The following COLQ variants were observed in gnomAD, a reference collection of about 807,000 sequenced individuals.
COLQ encodes the protein acetylcholinesterase collagenic tail peptide.
COLQ carries 48 observed loss-of-function variants against 69.0 expected under a neutral mutation model. The observed-to-expected ratio is 0.70, with a 90% CI of 0.55 to 0.88. The LOEUF (loss-of-function observed/expected upper bound fraction) is 0.88. Among genes scored for constraint, COLQ ranks in the 40% least tolerant of loss-of-function variants. The pLI is 0.00. For synonymous variants in COLQ, 217 were observed against 211.2 expected (o/e 1.03, Z -0.24); for missense variants, 618 against 594.6 (o/e 1.04, Z -0.41).
rs150181236 is a variant in COLQ, at chr3:15,519,468, C to T, written c.106+2052G>A. Among the ~76,000 whole-genome samples, 16 of 152,372 alleles carry T rather than the reference C, an allele frequency of 1.1e-4. 1 individual carries two copies. In the South Asian group the frequency reaches 3.1e-3, roughly 30 times the overall value. ...CAATGCTCTTGCTTAATGGCCCCTT[C>T]TCTAAGGCTCCAAATCTGCCTGGGA... On this transcript the variant is annotated intron_variant, in intron 1 of 16. Transcript: ENST00000383788.
chr3:15,493,957 C>T (rs1210118750), intron 1 of COLQ, among the ~76,000 whole-genome samples: 1 of 152,206 alleles, frequency 6.6e-6, no homozygotes, highest in African/African-American at 2.4e-5. Flanking sequence ...GTGGCACATG[C>T]TTGTAATCCC....
intron 12 of COLQ, 55 bp downstream of exon 12, chr3:15,466,286 T>A: frequency 7.6e-7 from 1 of 1,308,966 alleles, no homozygotes; most frequent in Non-Finnish European, 1.1e-6. Flanking sequence ...GTGCCCTCTC[T>A]GGGAGGCTGG....
rs974574682 is a variant in COLQ, at chr3:15,471,851, G to A, written c.637-1235C>T. Among the ~76,000 whole-genome samples the A allele has an allele frequency of 1.4e-4, 22 of 152,282 alleles. 1 individual carries two copies. The highest frequency in any genetic ancestry group is 1.0e-3 in the Admixed American group (16 of 15,288). On this transcript the variant is annotated intron_variant, in intron 10 of 16. Transcript: ENST00000383788. ...TCAACATTCTCTAGGGAATGGGAGC[G>A]TGTGAGAGGATAGGATGGATGCCGC...
chr3:15,454,651 GTTTTTTTTTT>G (rs56053367), intron 15 of COLQ, among the ~76,000 whole-genome samples: 2 of 118,142 alleles, frequency 1.7e-5, no homozygotes, highest in East Asian at 2.3e-4. Context: ...CCCCTGAACT[GTTTTTTTTTT>G]TTTTTTTTTT....
In COLQ at chr3:15,508,776, C is replaced by G. The variant is rs1252548579; in HGVS notation, c.106+12744G>C. Among the ~76,000 whole-genome samples the G allele has an allele frequency of 6.6e-5, 10 of 151,670 alleles. 1 individual carries two copies. Among genetic ancestry groups the G allele is most frequent in the Admixed American group, 5.9e-4 (9 of 15,220 alleles). On this transcript the variant is annotated intron_variant, in intron 1 of 16. Transcript: ENST00000383788. ...GCCCATCCGATAGATGAAAAATGGG[C>G]AAATTTTCAGTCTCATTCATTATAT...
chr3:15,479,441 T>C (rs539194689), intron 3 of COLQ, 59 bp from the exon 4 acceptor site: 1 of 1,540,430 alleles, frequency 6.5e-7, no homozygotes, highest in African/African-American at 1.4e-5. Flanking sequence ...TGGATGGGTG[T>C]GAGGCTCTTG....
At chr3:15,452,089 CAG>C (rs1363361755) in intron 16 of COLQ, among the ~76,000 whole-genome samples, 2 of 143,950 alleles carry the variant, frequency 1.4e-5, no homozygotes, top group African/African-American at 5.1e-5. Flanking sequence ...TTTTTTGAGA[CAG>C]AGTTTCGCTC....
At chr3:15,459,562 T>G (rs1373707881) in intron 12 of COLQ, among the ~76,000 whole-genome samples, 3 of 145,910 alleles carry the variant, frequency 2.1e-5, no homozygotes, top group Non-Finnish European at 4.5e-5. Context: ...CACTGCAACC[T>G]CCGCCTCTCA....
At chr3:15,498,423 C>G in intron 1 of COLQ, 1 of 1,375,082 alleles carries the variant, frequency 7.3e-7, no homozygotes, top group African/African-American at 1.4e-5. Flanking sequence ...CCTCCTAGTA[C>G]AGTCTGCTTT....
chr3:15,500,466 T>C (rs1459249910), intron 1 of COLQ, among the ~76,000 whole-genome samples: 2 of 152,324 alleles, frequency 1.3e-5, no homozygotes, highest in Non-Finnish European at 2.9e-5. Flanking sequence ...TTTAACCACA[T>C]GGCATCAAAC....
At chr3:15,459,309 G>A (rs1174840521) in intron 12 of COLQ, among the ~76,000 whole-genome samples, 4 of 152,144 alleles carry the variant, frequency 2.6e-5, no homozygotes, top group African/African-American at 9.7e-5. Context: ...CCCTAGCAAT[G>A]TGGAAGAACT....
chr3:15,507,536 C>T (rs1283587959), intron 1 of COLQ, among the ~76,000 whole-genome samples: 1 of 152,060 alleles, frequency 6.6e-6, no homozygotes, highest in Non-Finnish European at 1.5e-5. Context: ...TTCACTGCAG[C>T]CTTGACCTCC....
intron 1 of COLQ, among the ~76,000 whole-genome samples, chr3:15,521,266 T>C (rs958278080): frequency 6.6e-5 from 10 of 152,036 alleles, no homozygotes; most frequent in African/African-American, 1.9e-4. Context: ...ATGGGGAGAA[T>C]AGGGGAGGCA....
In COLQ at chr3:15,451,681, C is replaced by T. The variant is rs2125077465; in HGVS notation, c.1331G>A (p.Cys444Tyr). ...GCGGCAGGGCGTGGAGTCGATGTAG[C>T]AGTACTGGGTGCATTGCAGGTCTCC... ...SYGDLQCTQYCYIDSTPCRYF... is the reference protein window; with the variant it reads ...SYGDLQCTQYYYIDSTPCRYF... The change falls in exon 17 of 17, where the codon TGC becomes TAC. Residue 444 changes from cysteine (C) to tyrosine (Y), a missense_variant. Transcript: ENST00000383788. 2.5e-6 allele frequency: 4 copies of T among 1,614,164 alleles called. No homozygotes were observed. The highest frequency in any genetic ancestry group is 3.4e-6 in the Non-Finnish European group (4 of 1,180,042).
chr3:15,477,004 CTCT>C (rs1391320112), intron 6 of COLQ, 119 bp downstream of exon 6: 30 of 1,024,042 alleles, frequency 2.9e-5, no homozygotes, highest in Admixed American at 4.0e-5. Context: ...TCCTTAAGCT[CTCT>C]TCTTCTTCCC....
At position 15,499,220 on chromosome 3, in the gene COLQ, T is replaced by C. The variant is rs1193921887; in HGVS notation, c.107-9583A>G. Among the ~76,000 whole-genome samples the C allele has an allele frequency of 3.3e-5, 5 of 152,232 alleles. No individual in the cohort carries two copies. The East Asian group carries it at 5.8e-4, about 18-fold the overall frequency. On this transcript the variant is annotated intron_variant, in intron 1 of 16. Coordinates refer to ENST00000383788, the MANE Select transcript of COLQ (RefSeq NM_005677.4). Reference sequence around the variant, plus strand: ...GGGCATGTAGGCAAGTCTTTTTGGATGAAGCGGCATATACCAGTTACATGC... The same window carrying C: ...GGGCATGTAGGCAAGTCTTTTTGGACGAAGCGGCATATACCAGTTACATGC...
At chr3:15,489,713 G>T in intron 1 of COLQ, 76 bp from the exon 2 acceptor site, 1 of 1,289,774 alleles carries the variant, frequency 7.8e-7, no homozygotes, top group Non-Finnish European at 1.1e-6. Context: ...GCCCAGGGAA[G>T]ACCCATCCTG....
chr3:15,519,323 C>T (rs919160486), intron 1 of COLQ, among the ~76,000 whole-genome samples: 1 of 152,240 alleles, frequency 6.6e-6, no homozygotes, highest in African/African-American at 2.4e-5. Context: ...CAGGCTCTGC[C>T]CTCTGGCTTC....
chr3:15,484,179 G>A (rs2125130898), intron 3 of COLQ, among the ~76,000 whole-genome samples: 1 of 120,436 alleles, frequency 8.3e-6, no homozygotes, highest in Admixed American at 9.6e-5. Flanking sequence ...TTGCCAGTCT[G>A]TGTTTTTTAA....
Sources: allele counts gnomAD v4.1 joint callset (sites outside exome capture counted in the v4.1 genomes callset), GRCh38; gene constraint gnomAD v4.1.1; transcripts MANE v1.5; gene names NCBI Gene and HGNC (gene_info 2026-07-23, HGNC 2026-07-21).